The following BPTF variants were observed in gnomAD, a reference collection of about 807,000 sequenced individuals.
BPTF encodes the protein nucleosome-remodeling factor subunit BPTF.
BPTF carries 18 observed loss-of-function variants against 292.5 expected under a neutral mutation model. The ratio of observed to expected loss-of-function variants is 0.06; its 90% CI spans 0.04 to 0.09. The LOEUF is 0.09. Ranked by LOEUF, BPTF falls within the 10% of genes least tolerant of loss-of-function variation. The pLI is 1.00. For missense variants in BPTF, 2,726 were observed against 3,498.7 expected (o/e 0.78, Z 5.57); for synonymous variants, 1,225 against 1,251.9 (o/e 0.98, Z 0.45).
chr17:67,843,207 GATGT>G (rs2144510973), intron 1 of BPTF, among the ~76,000 whole-genome samples: 1 of 125,444 alleles, frequency 8.0e-6, no homozygotes, highest in African/African-American at 2.6e-5. Context: ...CATACATGTA[GATGT>G]ATGTAGATAT....
chr17:67,964,522 C>T, intron 25 of BPTF, 118 bp downstream of exon 25: 4 of 1,232,784 alleles, frequency 3.2e-6, no homozygotes, highest in East Asian at 2.6e-5. Context: ...CCCAGCTAGT[C>T]TAGTGAAGTG....
At chr17:67,980,205 C>T (rs2148681479) in intron 27 of BPTF, among the ~76,000 whole-genome samples, 1 of 152,024 alleles carries the variant, frequency 6.6e-6, no homozygotes, top group East Asian at 1.9e-4. Context: ...ATTAGCTGGG[C>T]CTGGGGGCAG....
At chr17:67,973,839 A>T (rs1332417997) in intron 26 of BPTF, 1 of 151,906 alleles carries the variant, frequency 6.6e-6, no homozygotes, top group Non-Finnish European at 1.5e-5. Context: ...TTCCCTACTG[A>T]CTTGAAGGGA....
chr17:67,944,076 A>T, intron 19 of BPTF, 74 bp from the exon 20 acceptor site: 1 of 1,099,890 alleles, frequency 9.1e-7, no homozygotes, highest in East Asian at 2.4e-5. Flanking sequence ...TACACATAAA[A>T]ATGATTTAAT....
chr17:67,887,858 G>A (rs2060844395), intron 4 of BPTF, among the ~76,000 whole-genome samples: 1 of 152,168 alleles, frequency 6.6e-6, no homozygotes, highest in Non-Finnish European at 1.5e-5. Context: ...GATGGCACCA[G>A]CAATTTGTAT....
At position 67,940,511 on chromosome 17, in the gene BPTF, C is replaced by G. The variant is rs372551122; in HGVS notation, c.6332C>G (p.Thr2111Arg). 1 of 1,614,080 alleles carries G rather than the reference C, an allele frequency of 6.2e-7. No homozygotes were observed. The highest frequency in any genetic ancestry group is 8.5e-7 in the Non-Finnish European group (1 of 1,180,016). Reference protein sequence around the residue: ...PVSTAVSAPNTVSSTPGQKSL... With the variant: ...PVSTAVSAPNRVSSTPGQKSL... ...TCCACTGCAGTCTCCGCCCCTAACA[C>G]GGTTTCCTCAACACCTGGGCAGAAA... Residue 2111 changes from threonine to arginine, a missense_variant, in exon 19 of 28, where the codon ACG (threonine) becomes AGG (arginine). Physicochemically the swap from Thr to Arg is moderately conservative, Grantham distance 71. Coordinates refer to ENST00000306378, the MANE Select transcript of BPTF (RefSeq NM_182641.4).
At chr17:67,945,372 C>T (rs782343619) in intron 20 of BPTF, 37 bp from the exon 21 acceptor site, 2 of 1,571,486 alleles carry the variant, frequency 1.3e-6, no homozygotes, top group South Asian at 2.4e-5. Flanking sequence ...TTTTATGTTC[C>T]AGAGTAATAG....
chr17:67,892,131 T>C (rs771249433), intron 5 of BPTF, 97 bp downstream of exon 5: 8 of 917,920 alleles, frequency 8.7e-6, no homozygotes, highest in Non-Finnish European at 1.2e-5. Context: ...TAGAAATTTG[T>C]AGACCTATTT....
chr17:67,881,858 G>GTTT (rs71354089), intron 4 of BPTF, among the ~76,000 whole-genome samples: 10 of 30,030 alleles, frequency 3.3e-4, no homozygotes, highest in East Asian at 8.5e-4. Context: ...TTGGGTTTTT[G>GTTT]TTTTTTTTTT....
At chr17:67,869,790 T>C (rs1293105479) in intron 3 of BPTF, among the ~76,000 whole-genome samples, 1 of 138,026 alleles carries the variant, frequency 7.2e-6, no homozygotes, top group African/African-American at 2.7e-5. Context: ...GAGACCATCC[T>C]GGCTAACATG....
intron 4 of BPTF, among the ~76,000 whole-genome samples, chr17:67,887,959 T>G (rs1027911283): frequency 5.1e-4 from 78 of 152,336 alleles, no homozygotes; most frequent in African/African-American, 1.9e-3. Flanking sequence ...GAGTGGCTTA[T>G]CTTGGATCAT....
At chr17:67,849,224 A>C (rs1357860881) in intron 1 of BPTF, among the ~76,000 whole-genome samples, 4 of 152,156 alleles carry the variant, frequency 2.6e-5, no homozygotes, top group Admixed American at 6.5e-5. Flanking sequence ...GGGTTCTGTG[A>C]ATTTGGGTTG....
chr17:67,900,097 T>C (rs1015162451), intron 7 of BPTF, among the ~76,000 whole-genome samples: 3 of 152,078 alleles, frequency 2.0e-5, no homozygotes, highest in Admixed American at 6.6e-5. Context: ...ATTGTGTGTG[T>C]GCGCATGTGT....
chr17:67,875,228 A>G (rs116279095), intron 4 of BPTF, among the ~76,000 whole-genome samples: 2,282 of 152,282 alleles, frequency 0.015, 64 homozygotes, highest in African/African-American at 0.052. Context: ...TGTTATATTC[A>G]TGTCTCTATT....
intron 21 of BPTF, among the ~76,000 whole-genome samples, chr17:67,946,652 T>G (rs1418678984): frequency 6.6e-6 from 1 of 152,224 alleles, no homozygotes; most frequent in Non-Finnish European, 1.5e-5. Context: ...CTTCAGACAT[T>G]ATAGCAATTC....
intron 24 of BPTF, 95 bp downstream of exon 24, chr17:67,959,970 A>G (rs2067317656): frequency 6.3e-6 from 6 of 946,718 alleles, no homozygotes; most frequent in Non-Finnish European, 9.3e-6. Context: ...AGTGATATAA[A>G]TGAAAATATT....
intron 21 of BPTF, 83 bp downstream of exon 21, chr17:67,946,408 GT>G: frequency 2.0e-6 from 3 of 1,525,200 alleles, no homozygotes; most frequent in Admixed American, 2.1e-5. Context: ...GTTGTGTTAG[GT>G]TTCCTAAATG....
chr17:67,902,718 T>G (rs1450520834), intron 7 of BPTF, among the ~76,000 whole-genome samples: 1 of 152,092 alleles, frequency 6.6e-6, no homozygotes, highest in East Asian at 1.9e-4. Flanking sequence ...GCCGGGAGAT[T>G]GATGGGGAGT....
intron 26 of BPTF, among the ~76,000 whole-genome samples, chr17:67,970,985 T>A (rs957848811): frequency 6.6e-6 from 1 of 152,250 alleles, no homozygotes; most frequent in Non-Finnish European, 1.5e-5. Context: ...CTGCCCAGGC[T>A]GGAGTGCAGT....
Sources: allele counts gnomAD v4.1 joint callset (sites outside exome capture counted in the v4.1 genomes callset), GRCh38; gene constraint gnomAD v4.1.1; transcripts MANE v1.5; gene names NCBI Gene and HGNC (gene_info 2026-07-23, HGNC 2026-07-21).